PCDHGB1: variants seen among roughly 807,000 people sequenced by gnomAD.
PCDHGB1 encodes the protein protocadherin gamma subfamily B, 1.
Under a neutral mutation model 56.6 loss-of-function variants are expected in PCDHGB1, and 34 were observed. That is an observed-to-expected ratio of 0.60 (90% CI 0.46 to 0.80). The LOEUF (loss-of-function observed/expected upper bound fraction) is 0.80. PCDHGB1 is among the 30% of genes least tolerant of loss of function. The pLI, the probability that PCDHGB1 is intolerant of heterozygous loss-of-function variation, is 0.00. For missense variants in PCDHGB1, 1,278 were observed against 1,204.6 expected (o/e 1.06, Z -0.90); for synonymous variants, 561 against 505.9 (o/e 1.11, Z -1.46).
chr5:141,383,903 TC>T lies in PCDHGB1; in HGVS notation c.2409+31235del, dbSNP rs769022323. On this transcript the variant is annotated intron_variant, in intron 1 of 3. Transcript: ENST00000523390. ...AGTCTGACAAAGGCAAAAGTACTGA[TC>T]ACAGTTTTAGATGTAAATGATAATG... The T allele has an allele frequency of 8.9e-5, 144 of 1,613,802 alleles. 1 individual carries two copies. The highest frequency in any genetic ancestry group is 1.1e-4 in the Non-Finnish European group (134 of 1,179,876).
At chr5:141,387,000 C>T (rs1211654185) in intron 1 of PCDHGB1, among the ~76,000 whole-genome samples, 7 of 152,118 alleles carry the variant, frequency 4.6e-5, no homozygotes, top group African/African-American at 1.7e-4. Flanking sequence ...TATTATCCCC[C>T]TGATAACTTT....
intron 1 of PCDHGB1, among the ~76,000 whole-genome samples, chr5:141,457,694 C>G (rs891323419): frequency 6.6e-6 from 1 of 152,214 alleles, no homozygotes; most frequent in Non-Finnish European, 1.5e-5. Flanking sequence ...TTTGGATTGG[C>G]TTTGATGAAA....
rs1033888717 is a variant in PCDHGB1 at position 141,512,540 on chromosome 5, T to C, written c.*1367T>C. 6.5e-6 allele frequency: 1 copy of C among 152,886 alleles called. No homozygotes were observed. Among genetic ancestry groups the C allele is most frequent in the African/African-American group, 2.4e-5 (1 of 41,476 alleles). 9.5% of individuals were successfully genotyped at this position (152,886 alleles called of 1,614,324 possible). ...CCATAGCCTGGTTAAAGTTCCCCAGTGCCTCCTTGTGCATAGACCTTCTTC... is the reference window on the plus strand; with the variant it reads ...CCATAGCCTGGTTAAAGTTCCCCAGCGCCTCCTTGTGCATAGACCTTCTTC... On this transcript the variant is annotated 3_prime_UTR_variant, in exon 4 of 4. Transcript: ENST00000523390.
chr5:141,401,712 A>G (rs987480271), intron 1 of PCDHGB1, among the ~76,000 whole-genome samples: 1 of 152,226 alleles, frequency 6.6e-6, no homozygotes, highest in Non-Finnish European at 1.5e-5. Flanking sequence ...TCCATTTTTA[A>G]GACAAAAACT....
intron 1 of PCDHGB1, chr5:141,479,186 T>C (rs956575218): frequency 3.3e-5 from 5 of 152,590 alleles, no homozygotes; most frequent in Admixed American, 3.3e-4. Flanking sequence ...GCTAGAAAAT[T>C]CAGAAAATAC....
At chr5:141,394,847 G>T in intron 1 of PCDHGB1, 1 of 1,613,848 alleles carries the variant, frequency 6.2e-7, no homozygotes, top group South Asian at 1.1e-5. Context: ...TGGGCAGTCT[G>T]AAGCCTTCGG....
At chr5:141,419,125 C>T in intron 1 of PCDHGB1, 1 of 1,613,852 alleles carries the variant, frequency 6.2e-7, no homozygotes, top group South Asian at 1.1e-5. Flanking sequence ...ACGTCACCAT[C>T]GCAGCCACAG....
At chr5:141,372,777 GA>G in intron 1 of PCDHGB1, 1 of 1,609,460 alleles carries the variant, frequency 6.2e-7, no homozygotes, top group East Asian at 2.2e-5. Flanking sequence ...TGACAATCCA[GA>G]AATGCCTTCT....
At position 141,418,922 on chromosome 5, in the gene PCDHGB1, C is replaced by G. The variant is rs180948941; in HGVS notation, c.2409+66253C>G. The G allele has an allele frequency of 3.7e-6, 6 of 1,613,994 alleles. 1 individual carries two copies. In the Admixed American group the frequency reaches 6.7e-5, roughly 18 times the overall value. On this transcript the variant is annotated intron_variant, in intron 1 of 3. Coordinates refer to ENST00000523390, the MANE Select transcript of PCDHGB1 (RefSeq NM_018922.3). ...AATAATCATCACGTCACTCTCTGAT[C>G]AGATTATGGAGGATTCCCCTCCAGG...
At position 141,485,184 on chromosome 5, in the gene PCDHGB1, A is replaced by G. The variant is rs1415940980; in HGVS notation, c.2410-9623A>G. ...TAGCGGGCGGCAGCAATGCTCCGCA[A>G]GGTGAGAAGCTGGACAGAAATCTGG... On this transcript the variant is annotated intron_variant, in intron 1 of 3. Transcript: ENST00000523390. This position sits in a 1 kb window ranked among gnomAD's most constrained non-coding sequence, Gnocchi z 5.7. The G allele has an allele frequency of 6.2e-7, 1 of 1,613,152 alleles. No individual in the cohort carries two copies. The highest frequency in any genetic ancestry group is 1.3e-5 in the African/African-American group (1 of 74,938).
intron 1 of PCDHGB1, chr5:141,385,519 T>C (rs1781250310): frequency 2.9e-6 from 4 of 1,366,410 alleles, no homozygotes; most frequent in Admixed American, 3.4e-5. Flanking sequence ...TGAAAGCCTA[T>C]GGACAAGATT....
intron 1 of PCDHGB1, chr5:141,399,613 G>A: frequency 6.2e-7 from 1 of 1,613,928 alleles, no homozygotes; most frequent in Non-Finnish European, 8.5e-7. Context: ...AGAGCCTCTG[G>A]CACTGGCCTC....
Position 141,447,676 on chromosome 5 carries a change from C to T in PCDHGB1, c.2410-47131C>T, listed in dbSNP as rs1466767844. Among the ~76,000 whole-genome samples the T allele has an allele frequency of 2.6e-5, 4 of 152,104 alleles. No individual in the cohort carries two copies. The East Asian group carries it at 7.7e-4, about 29-fold the overall frequency. On this transcript the variant is annotated intron_variant, in intron 1 of 3. Coordinates refer to ENST00000523390, the MANE Select transcript of PCDHGB1 (RefSeq NM_018922.3). The stretch of plus-strand genomic sequence containing the variant: ...CCCCCCCAGGAAGTTAGAACTGTTC[C>T]ATATCTTGATAGAGGGATGGGTTAT...
At position 141,362,111 on chromosome 5, in the gene PCDHGB1, C is replaced by T; in HGVS notation, c.2409+9442C>T. The T allele has an allele frequency of 1.9e-6, 3 of 1,614,022 alleles. No individual in the cohort carries two copies. The highest frequency in any genetic ancestry group is 2.2e-5 in the East Asian group (1 of 44,872). ...CAGCCGCCACTCTCCGCTACGGCCACGCTGCACCTAATCTTCGCGGATAGC... is the reference window on the plus strand; with the variant it reads ...CAGCCGCCACTCTCCGCTACGGCCATGCTGCACCTAATCTTCGCGGATAGC... On this transcript the variant is annotated intron_variant, in intron 1 of 3. Transcript: ENST00000523390.
intron 1 of PCDHGB1, chr5:141,371,109 C>A (rs781398183): frequency 6.2e-7 from 1 of 1,613,836 alleles, no homozygotes; most frequent in South Asian, 1.1e-5. Context: ...AAATGATAAC[C>A]CCCCAGTATT....
chr5:141,364,357 C>A, intron 1 of PCDHGB1: 2 of 1,556,048 alleles, frequency 1.3e-6, no homozygotes, highest in South Asian at 1.2e-5. Flanking sequence ...GGGGCTGGGG[C>A]TGCGGAGAGC....
chr5:141,449,854 T>C (rs769118919), intron 1 of PCDHGB1, among the ~76,000 whole-genome samples: 7 of 151,974 alleles, frequency 4.6e-5, no homozygotes, highest in South Asian at 4.1e-4. Context: ...ATTTTAATAA[T>C]AAAAATCAGA....
intron 1 of PCDHGB1, chr5:141,398,797 G>C (rs1338071296): frequency 1.2e-6 from 2 of 1,613,898 alleles, no homozygotes; most frequent in Non-Finnish European, 1.7e-6. Flanking sequence ...ACCCCTAAGC[G>C]GCACCACTGA....
At position 141,395,235 on chromosome 5, in the gene PCDHGB1, C is replaced by T. The variant is rs775441341; in HGVS notation, c.2409+42566C>T. 7 of 1,601,042 alleles carry T rather than the reference C, an allele frequency of 4.4e-6. No homozygotes were observed. In the South Asian group the frequency reaches 7.9e-5, roughly 18 times the overall value. ...ATATAAGAATGAAGCTGATCATGGT[C>T]AGGTGAGTTTAGTTCTTTGCTTGCT... On this transcript the variant is annotated intron_variant, in intron 1 of 3. Transcript: ENST00000523390.
Sources: allele counts gnomAD v4.1 joint callset (sites outside exome capture counted in the v4.1 genomes callset), GRCh38; gene constraint gnomAD v4.1.1; non-coding constraint Gnocchi (gnomAD v3.1); transcripts MANE v1.5; gene names NCBI Gene and HGNC (gene_info 2026-07-23, HGNC 2026-07-21).